DNER: variants seen among roughly 807,000 people sequenced by gnomAD.
DNER encodes delta and Notch-like epidermal growth factor-related receptor.
Under a neutral mutation model 78.2 loss-of-function variants are expected in DNER, and 33 were observed. The ratio of observed to expected loss-of-function variants is 0.42; its 90% CI spans 0.32 to 0.56. The LOEUF is 0.56. DNER is among the 20% of genes least tolerant of loss of function. The pLI is 0.11. For missense variants in DNER, 918 were observed against 975.3 expected, an observed-to-expected ratio of 0.94 and a Z score of 0.78; for synonymous variants, 417 against 384.8, an observed-to-expected ratio of 1.08 and a Z score of -0.98.
intron 6 of DNER, among the ~76,000 whole-genome samples, chr2:229,499,332 C>T (rs948801002): frequency 6.6e-6 from 1 of 151,194 alleles, no homozygotes; most frequent in African/African-American, 2.4e-5. Context: ...GTAGTCCCAG[C>T]TACTCAGGAG....
chr2:229,374,035 G>A (rs754952796), intron 11 of DNER, among the ~76,000 whole-genome samples: 2 of 152,138 alleles, frequency 1.3e-5, no homozygotes, highest in African/African-American at 2.4e-5. Context: ...AGGTGTCATG[G>A]TACATTTCTG....
At chr2:229,529,206 T>TA (rs1696260198) in intron 5 of DNER, among the ~76,000 whole-genome samples, 1 of 150,724 alleles carries the variant, frequency 6.6e-6, no homozygotes, top group Non-Finnish European at 1.5e-5. Context: ...CTTTTTTTTT[T>TA]TAATCCCCAA....
chr2:229,543,877 C>T (rs1446684425), intron 5 of DNER, among the ~76,000 whole-genome samples: 1 of 152,128 alleles, frequency 6.6e-6, no homozygotes, highest in African/African-American at 2.4e-5. Flanking sequence ...CTTCCGTTAC[C>T]TAACTATGCA....
At chr2:229,603,662 C>T (rs1015245199) in intron 1 of DNER, among the ~76,000 whole-genome samples, 15 of 152,142 alleles carry the variant, frequency 9.9e-5, no homozygotes, top group Admixed American at 2.6e-4. Flanking sequence ...TGGAGGGCAA[C>T]ATTGTCAACC....
At chr2:229,594,952 T>TAAAAA (rs200824543) in intron 1 of DNER, among the ~76,000 whole-genome samples, 1 of 102,688 alleles carries the variant, frequency 9.7e-6, no homozygotes, top group African/African-American at 3.4e-5. Context: ...AAATGCTGTT[T>TAAAAA]AAAAAAAAAA....
intron 10 of DNER, among the ~76,000 whole-genome samples, chr2:229,398,974 T>G (rs1221915889): frequency 6.6e-6 from 1 of 152,024 alleles, no homozygotes; most frequent in Non-Finnish European, 1.5e-5. Context: ...ACATTATCAT[T>G]AATGGTGAAA....
At position 229,666,971 on chromosome 2, in the gene DNER, A is replaced by C. The variant is rs564150588; in HGVS notation, c.276+47177T>G. Among the ~76,000 whole-genome samples, 4 of 152,360 alleles carry C rather than the reference A, an allele frequency of 2.6e-5. No individual in the cohort carries two copies. The South Asian group carries it at 8.3e-4, about 32-fold the overall frequency. Reference sequence around the variant, plus strand: ...ATCCTGTCCCTCTGCAGATGAAGCCAACAAAGGTCACATTTGGGCAGGAAA... The same window carrying C: ...ATCCTGTCCCTCTGCAGATGAAGCCCACAAAGGTCACATTTGGGCAGGAAA... On this transcript the variant is annotated intron_variant, in intron 1 of 12. Transcript: ENST00000341772.
chr2:229,700,193 T>C (rs1699721231), intron 1 of DNER, among the ~76,000 whole-genome samples: 1 of 152,172 alleles, frequency 6.6e-6, no homozygotes, highest in Admixed American at 6.5e-5. Flanking sequence ...TCATATGCTG[T>C]CAGTAAATTT....
chr2:229,566,799 T>C (rs1276097999), intron 4 of DNER, among the ~76,000 whole-genome samples: 1 of 152,202 alleles, frequency 6.6e-6, no homozygotes, highest in Non-Finnish European at 1.5e-5. Flanking sequence ...CAGATGTCTG[T>C]TGGCCAGGTA....
At chr2:229,512,244 G>A (rs1261198931) in intron 6 of DNER, among the ~76,000 whole-genome samples, 1 of 151,978 alleles carries the variant, frequency 6.6e-6, no homozygotes, top group Admixed American at 6.6e-5. Flanking sequence ...TTAGCTGGGT[G>A]TGGGGGCGCA....
chr2:229,403,263 G>GGTGCT (rs1693307705), intron 10 of DNER, among the ~76,000 whole-genome samples: 1 of 152,146 alleles, frequency 6.6e-6, no homozygotes, highest in African/African-American at 2.4e-5. Context: ...CATACTCCTT[G>GGTGCT]TATGGAAGCA....
chr2:229,533,939 C>T (rs1696355428), intron 5 of DNER, among the ~76,000 whole-genome samples: 1 of 152,220 alleles, frequency 6.6e-6, no homozygotes, highest in Non-Finnish European at 1.5e-5. Flanking sequence ...CCAGAAGTGA[C>T]TTTTTTGATA....
intron 6 of DNER, among the ~76,000 whole-genome samples, chr2:229,509,105 C>A (rs900019106): frequency 2.0e-5 from 3 of 152,042 alleles, no homozygotes; most frequent in Admixed American, 1.3e-4. Context: ...ATAGGCTATG[C>A]GTGAACAAGA....
At chr2:229,579,746 T>C (rs983726714) in intron 4 of DNER, among the ~76,000 whole-genome samples, 1 of 151,944 alleles carries the variant, frequency 6.6e-6, no homozygotes, top group Non-Finnish European at 1.5e-5. Flanking sequence ...CTAAGAGTAA[T>C]GGTATTAGTT....
chr2:229,391,350 C>G (rs904591460), intron 10 of DNER, among the ~76,000 whole-genome samples: 1 of 152,032 alleles, frequency 6.6e-6, no homozygotes, highest in Non-Finnish European at 1.5e-5. Flanking sequence ...AATCTTTAAG[C>G]TTTTGCTGCC....
chr2:229,710,983 G>GCGCACACACACA lies in DNER; in HGVS notation c.276+3164_276+3165insTGTGTGTGTGCG, dbSNP rs1553555262. ...GACTGAAAATGGCATGCATACACGC[G>GCGCACACACACA]CACACACACACACACACACACACAC... is the stretch of plus-strand genomic sequence containing the variant. On this transcript the variant is annotated intron_variant, in intron 1 of 12. Transcript: ENST00000341772. Among the ~76,000 whole-genome samples the GCGCACACACACA allele has an allele frequency of 4.8e-3, 670 of 139,794 alleles. 8 individuals carry two copies. Among genetic ancestry groups the GCGCACACACACA allele is most frequent in the African/African-American group, 8.6e-3 (319 of 36,948 alleles). The allele number at this position is 139,794 out of a possible 152,430, so 91.7% of individuals were successfully genotyped here.
chr2:229,583,618 T>G (rs1287337759), intron 4 of DNER, among the ~76,000 whole-genome samples: 1 of 152,200 alleles, frequency 6.6e-6, no homozygotes, highest in Non-Finnish European at 1.5e-5. Context: ...GTAGTGATAC[T>G]TTATATGTTT....
intron 1 of DNER, among the ~76,000 whole-genome samples, chr2:229,701,572 T>C (rs1699746924): frequency 6.6e-6 from 1 of 152,274 alleles, no homozygotes; most frequent in Admixed American, 6.5e-5. Flanking sequence ...TAGTCCATGC[T>C]CAGAAGTCCC....
chr2:229,613,561 C>A (rs1698088744), intron 1 of DNER, among the ~76,000 whole-genome samples: 2 of 151,862 alleles, frequency 1.3e-5, no homozygotes, highest in African/African-American at 4.8e-5. Flanking sequence ...GAAAAGTTCA[C>A]AAACCACAAA....
Sources: allele counts gnomAD v4.1 joint callset (sites outside exome capture counted in the v4.1 genomes callset), GRCh38; gene constraint gnomAD v4.1.1; transcripts MANE v1.5; gene names NCBI Gene and HGNC (gene_info 2026-07-23, HGNC 2026-07-21).